The following TBCEL variants were observed in gnomAD, a reference collection of about 807,000 sequenced individuals.
TBCEL encodes the protein tubulin-specific chaperone cofactor E-like protein.
A neutral mutation model predicts 44.2 loss-of-function variants in TBCEL; 15 were observed. The ratio of observed to expected loss-of-function variants is 0.34; its 90% CI spans 0.23 to 0.52. The LOEUF is 0.52. Ranked by LOEUF, TBCEL falls within the 20% of genes least tolerant of loss-of-function variation. The probability of loss-of-function intolerance (pLI) is 0.95; values close to 1 mark genes in which losing one functional copy is unlikely to be tolerated. For synonymous variants in TBCEL, 171 were observed against 185.4 expected (o/e 0.92, Z 0.63); for missense variants, 319 against 506.3 (o/e 0.63, Z 3.55).
chr11:121,061,426 C>G (rs530564801), intron 8 of TBCEL, among the ~76,000 whole-genome samples: 1 of 151,864 alleles, frequency 6.6e-6, no homozygotes, highest in Admixed American at 6.6e-5. Flanking sequence ...TACATACATA[C>G]GTCCATACAG....
intron 3 of TBCEL, among the ~76,000 whole-genome samples, chr11:121,046,601 G>A (rs1235838361): frequency 4.0e-5 from 6 of 151,640 alleles, no homozygotes; most frequent in Admixed American, 3.9e-4. Flanking sequence ...TTTTTTTCCG[G>A]GATCCATTCC....
rs1021121447 is a variant in TBCEL at position 121,087,750 on chromosome 11, A to G, written c.*654A>G. 6.6e-5 allele frequency: 10 copies of G among 152,260 alleles called. No individual in the cohort carries two copies. The highest frequency in any genetic ancestry group is 1.7e-4 in the African/African-American group (7 of 41,440). The allele number at this position is 152,260 out of a possible 1,614,324, so 9.4% of individuals were successfully genotyped here. ...AATCTCAGGTACGCAGTAAGAAGCT[A>G]TAACTCTGTTAGAACCTCGAAGAGT... On this transcript the variant is annotated 3_prime_UTR_variant, in exon 9 of 9. Coordinates refer to ENST00000683345, the MANE Select transcript of TBCEL (RefSeq NM_001363644.2).
intron 8 of TBCEL, among the ~76,000 whole-genome samples, chr11:121,079,660 C>T: frequency 6.6e-6 from 1 of 152,052 alleles, no homozygotes; most frequent in Non-Finnish European, 1.5e-5. Flanking sequence ...GTTGTCAAGT[C>T]CCAGTTGTAG....
intron 4 of TBCEL, among the ~76,000 whole-genome samples, chr11:121,053,124 C>T (rs1307369901): frequency 2.0e-5 from 3 of 151,698 alleles, no homozygotes; most frequent in Non-Finnish European, 4.4e-5. Context: ...GAATTTTAAC[C>T]TTTAATTAGC....
At chr11:121,075,474 T>G (rs1946016061) in intron 8 of TBCEL, among the ~76,000 whole-genome samples, 1 of 152,000 alleles carries the variant, frequency 6.6e-6, no homozygotes, top group Non-Finnish European at 1.5e-5. Context: ...GGCCTTTGCC[T>G]TTCCATATAA....
intron 5 of TBCEL, among the ~76,000 whole-genome samples, chr11:121,054,454 C>T (rs80196823): frequency 0.017 from 2,574 of 151,984 alleles, 77 homozygotes; most frequent in African/African-American, 0.059. Flanking sequence ...GCTAGTTTCA[C>T]TACTAACCAT....
intron 8 of TBCEL, among the ~76,000 whole-genome samples, chr11:121,085,747 TCTTCCC>T (rs1946205105): frequency 6.6e-6 from 1 of 152,124 alleles, no homozygotes; most frequent in African/African-American, 2.4e-5. Context: ...CTCAAGTGAT[TCTTCCC>T]CTTGGGCTTC....
chr11:121,074,973 A>G (rs1946006537), intron 8 of TBCEL, among the ~76,000 whole-genome samples: 1 of 151,968 alleles, frequency 6.6e-6, no homozygotes, highest in Admixed American at 6.6e-5. Context: ...TATCACAACC[A>G]GAATCTTAAT....
intron 2 of TBCEL, among the ~76,000 whole-genome samples, chr11:121,036,984 G>A (rs982997242): frequency 3.3e-5 from 5 of 152,176 alleles, no homozygotes; most frequent in Non-Finnish European, 7.3e-5. Context: ...TTAAGGAGAA[G>A]CATAGTACTG....
intron 8 of TBCEL, 74 bp from the exon 9 acceptor site, chr11:121,086,704 T>C: frequency 9.2e-7 from 1 of 1,084,024 alleles, no homozygotes; most frequent in Middle Eastern, 2.1e-4. Flanking sequence ...ATATTGTTTA[T>C]CTGTAGTTGG....
intron 3 of TBCEL, among the ~76,000 whole-genome samples, chr11:121,047,008 AT>A (rs893065716): frequency 1.3e-5 from 2 of 152,052 alleles, no homozygotes; most frequent in Non-Finnish European, 2.9e-5. Flanking sequence ...AGTGAGGAAG[AT>A]TTCTTGAATG....
intron 4 of TBCEL, among the ~76,000 whole-genome samples, chr11:121,052,254 A>G (rs960474728): frequency 6.6e-5 from 10 of 151,840 alleles, no homozygotes; most frequent in African/African-American, 2.4e-4. Context: ...TAAGTACTAT[A>G]TCTGCTTTTA....
rs574463696 is a variant in TBCEL, at chr11:121,025,903, C to T, written c.-126+1612C>T. On this transcript the variant is annotated intron_variant, in intron 1 of 8. Coordinates refer to ENST00000683345, the MANE Select transcript of TBCEL (RefSeq NM_001363644.2). ...TTTGATTGATGAAATTTTTTGTATGCGTGTGTGTTTTAGTTTCCTTTATCC... is the reference window on the plus strand; with the variant it reads ...TTTGATTGATGAAATTTTTTGTATGTGTGTGTGTTTTAGTTTCCTTTATCC... Among the ~76,000 whole-genome samples the T allele has an allele frequency of 3.9e-5, 6 of 152,006 alleles. No individual in the cohort carries two copies. The South Asian group carries it at 1.3e-3, about 32-fold the overall frequency.
Position 121,090,366 on chromosome 11 carries a change from T to C in TBCEL, c.*3270T>C, listed in dbSNP as rs569954216. 1 of 152,172 alleles carries C rather than the reference T, an allele frequency of 6.6e-6. No individual in the cohort carries two copies. Among genetic ancestry groups the C allele is most frequent in the African/African-American group, 2.4e-5 (1 of 41,438 alleles). 9.4% of individuals were successfully genotyped at this position (152,172 alleles called of 1,614,324 possible). On this transcript the variant is annotated 3_prime_UTR_variant, in exon 9 of 9. Transcript: ENST00000683345. The stretch of plus-strand genomic sequence containing the variant: ...AGTGTAGCTTGCTACATGAAAATGC[T>C]AGGCTCTAGGGCATGTAAAACATGA...
chr11:121,029,427 A>C (rs1945105034), intron 1 of TBCEL, among the ~76,000 whole-genome samples: 1 of 152,196 alleles, frequency 6.6e-6, no homozygotes, highest in South Asian at 2.1e-4. Context: ...AGATGCTTCA[A>C]AAACTTTATT....
chr11:121,028,699 C>G (rs1945088967), intron 1 of TBCEL, among the ~76,000 whole-genome samples: 1 of 152,152 alleles, frequency 6.6e-6, no homozygotes, highest in Non-Finnish European at 1.5e-5. Flanking sequence ...GTGGTCACCG[C>G]AGTAATAATA....
chr11:121,028,749 C>T (rs11218122), intron 1 of TBCEL, among the ~76,000 whole-genome samples: 31,166 of 152,106 alleles, frequency 0.2, 3,383 homozygotes, highest in East Asian at 0.33. Context: ...TCATTGTTAA[C>T]AAACAAATTG....
At chr11:121,034,349 T>C (rs1408325588) in intron 1 of TBCEL, among the ~76,000 whole-genome samples, 1 of 152,166 alleles carries the variant, frequency 6.6e-6, no homozygotes, top group African/African-American at 2.4e-5. Context: ...TATGAAATCT[T>C]TTGTGGTTGT....
In TBCEL at chr11:121,045,600, G is replaced by A. The variant is rs950326848; in HGVS notation, c.-17-74G>A. On this transcript the variant is annotated intron_variant, in intron 2 of 8. Transcript: ENST00000683345. Reference sequence around the variant, plus strand: ...CCTAGTCTAGTACTTTATACATAATGGGTTTTCAATAAATACTTCTTATGT... The same window carrying A: ...CCTAGTCTAGTACTTTATACATAATAGGTTTTCAATAAATACTTCTTATGT... The A allele has an allele frequency of 1.0e-5, 13 of 1,249,894 alleles. No homozygotes were observed. The South Asian group carries it at 1.6e-4, about 15-fold the overall frequency. 77.4% of individuals were successfully genotyped at this position (1,249,894 alleles called of 1,614,324 possible). A position where few individuals can be genotyped will look rare whatever the true frequency, so the allele number is the denominator to read the frequency against.
Sources: allele counts gnomAD v4.1 joint callset (sites outside exome capture counted in the v4.1 genomes callset), GRCh38; gene constraint gnomAD v4.1.1; transcripts MANE v1.5; gene names NCBI Gene and HGNC (gene_info 2026-07-23, HGNC 2026-07-21).